Variants in PPARG observed in about 807,000 individuals in gnomAD.
PPARG encodes the protein peroxisome proliferator-activated receptor gamma.
Under a neutral mutation model 39.2 loss-of-function variants are expected in PPARG, and 17 were observed. The observed-to-expected ratio is 0.43, with a 90% CI of 0.30 to 0.65. The LOEUF is 0.65. Among genes scored for constraint, PPARG ranks in the 30% least tolerant of loss-of-function variants. The probability of loss-of-function intolerance (pLI) is 0.13; values close to 1 mark genes in which losing one functional copy is unlikely to be tolerated. For synonymous variants in PPARG, 223 were observed against 215.7 expected (o/e 1.03, Z -0.30); for missense variants, 406 against 585.9 (o/e 0.69, Z 3.17).
intron 1 of PPARG, among the ~76,000 whole-genome samples, chr3:12,296,077 C>T (rs1042442867): frequency 6.6e-6 from 1 of 150,928 alleles, no homozygotes; most frequent in Non-Finnish European, 1.5e-5. Context: ...CGTGGCAGAA[C>T]CCCGTCTCTA....
intron 2 of PPARG, among the ~76,000 whole-genome samples, chr3:12,320,460 C>T (rs1326944948): frequency 1.3e-5 from 2 of 152,098 alleles, no homozygotes. Context: ...GTAGCATGAG[C>T]CATTTGTTGA....
intron 5 of PPARG, among the ~76,000 whole-genome samples, chr3:12,400,674 A>G (rs942157351): frequency 6.6e-6 from 1 of 152,208 alleles, no homozygotes; most frequent in African/African-American, 2.4e-5. Context: ...TGTAGAACAG[A>G]CAGAATGTAA....
At chr3:12,311,185 C>T (rs2047233285) in intron 1 of PPARG, among the ~76,000 whole-genome samples, 2 of 152,064 alleles carry the variant, frequency 1.3e-5, no homozygotes, top group South Asian at 4.1e-4. Context: ...CTCACTGCAG[C>T]CTTGAACTCT....
intron 4 of PPARG, among the ~76,000 whole-genome samples, chr3:12,390,815 A>T (rs1268115050): frequency 6.6e-6 from 1 of 151,132 alleles, no homozygotes; most frequent in African/African-American, 2.4e-5. Flanking sequence ...ACCTGCCTAA[A>T]TTTTTTGTAT....
intron 1 of PPARG, among the ~76,000 whole-genome samples, chr3:12,291,917 A>G (rs551348639): frequency 1.3e-5 from 2 of 152,162 alleles, no homozygotes; most frequent in Non-Finnish European, 2.9e-5. Flanking sequence ...CTCTTTTGCT[A>G]TGATTTTAAG....
intron 2 of PPARG, among the ~76,000 whole-genome samples, chr3:12,326,975 C>CT (rs1305928010): frequency 2.6e-5 from 4 of 151,972 alleles, no homozygotes; most frequent in African/African-American, 9.7e-5. Flanking sequence ...ATTTTGATTA[C>CT]TTTTTTTTCC....
intron 2 of PPARG, among the ~76,000 whole-genome samples, chr3:12,355,247 C>T (rs147215729): frequency 1.3e-5 from 2 of 152,146 alleles, no homozygotes; most frequent in African/African-American, 4.8e-5. Flanking sequence ...GTGATCCTCC[C>T]ACCTCAGCCT....
intron 6 of PPARG, among the ~76,000 whole-genome samples, chr3:12,413,933 G>T (rs2050972334): frequency 6.6e-6 from 1 of 152,134 alleles, no homozygotes; most frequent in East Asian, 1.9e-4. Context: ...TTGCCAAGGG[G>T]TTAAAGTCAC....
intron 4 of PPARG, among the ~76,000 whole-genome samples, chr3:12,389,845 C>T (rs1392804842): frequency 2.0e-5 from 3 of 152,026 alleles, no homozygotes; most frequent in African/African-American, 4.8e-5. Context: ...TGCAGTGAGC[C>T]GAGATAGCAC....
At chr3:12,312,773 TATG>T (rs1319679942) in intron 2 of PPARG, among the ~76,000 whole-genome samples, 1 of 152,198 alleles carries the variant, frequency 6.6e-6, no homozygotes, top group East Asian at 1.9e-4. Flanking sequence ...TTTAGATTCT[TATG>T]ATACTTTTAA....
chr3:12,370,549 G>T (rs1479943899), intron 2 of PPARG, among the ~76,000 whole-genome samples: 4 of 152,184 alleles, frequency 2.6e-5, no homozygotes, highest in Non-Finnish European at 5.9e-5. Flanking sequence ...TGGGAAAAAA[G>T]AGATAGTCGC....
intron 2 of PPARG, among the ~76,000 whole-genome samples, chr3:12,363,071 C>G (rs993997337): frequency 3.3e-5 from 5 of 152,092 alleles, no homozygotes; most frequent in African/African-American, 1.2e-4. Context: ...CAGCACATCA[C>G]CACACCCAGC....
In PPARG at chr3:12,392,636, G is replaced by C; in HGVS notation, c.413G>C (p.Arg138Thr). Residue 138 changes from arginine (R) to threonine (T), a missense_variant, in exon 5 of 8, where the codon AGA becomes ACA. By Grantham distance (71) the Arg-to-Thr change is moderately conservative. Around this residue, in one of 2 missense-constraint regions of PPARG, gnomAD observed 275 missense variants for 458.0 expected, o/e 0.60. Coordinates refer to ENST00000651735, the MANE Select transcript of PPARG (RefSeq NM_138711.6). ...GCKGFFRRTI[R>T]LKLIYDRCDL... is the part of the protein sequence containing the mutation. ...CAGGGTTTCTTCCGGAGAACAATCA[G>C]ATTGAAGCTTATCTATGACAGATGT... 1 of 1,613,866 alleles carries C rather than the reference G, an allele frequency of 6.2e-7. No individual in the cohort carries two copies. The highest frequency in any genetic ancestry group is 8.5e-7 in the Non-Finnish European group (1 of 1,179,870).
At chr3:12,347,961 T>C (rs2048374105) in intron 2 of PPARG, among the ~76,000 whole-genome samples, 1 of 152,176 alleles carries the variant, frequency 6.6e-6, no homozygotes, top group Non-Finnish European at 1.5e-5. Flanking sequence ...TTAAATGAGG[T>C]TATAGCAAAA....
At chr3:12,325,327 A>G (rs1299980525) in intron 2 of PPARG, among the ~76,000 whole-genome samples, 1 of 152,226 alleles carries the variant, frequency 6.6e-6, no homozygotes, top group Non-Finnish European at 1.5e-5. Context: ...AGGCTGAGGC[A>G]GGAGAATCAC....
intron 5 of PPARG, among the ~76,000 whole-genome samples, chr3:12,398,461 T>TA (rs2050345270): frequency 6.6e-6 from 1 of 152,180 alleles, no homozygotes; most frequent in Non-Finnish European, 1.5e-5. Flanking sequence ...TATATTGTGT[T>TA]AGAGATGCCT....
At chr3:12,327,791 G>C (rs1411202145) in intron 2 of PPARG, among the ~76,000 whole-genome samples, 8 of 152,168 alleles carry the variant, frequency 5.3e-5, no homozygotes, top group African/African-American at 1.9e-4. Context: ...TTTCAGCCAA[G>C]GATGGCACTT....
At chr3:12,328,442 C>A (rs938593177) in intron 2 of PPARG, among the ~76,000 whole-genome samples, 1 of 152,216 alleles carries the variant, frequency 6.6e-6, no homozygotes, top group African/African-American at 2.4e-5. Flanking sequence ...TGCTTCCCAG[C>A]CCTGGAGTTT....
Position 12,422,196 on chromosome 3 carries a change from A to T in PPARG, c.1180+5042A>T, listed in dbSNP as rs181493725. On this transcript the variant is annotated intron_variant, in intron 7 of 7. Coordinates refer to ENST00000651735, the MANE Select transcript of PPARG (RefSeq NM_138711.6). The stretch of plus-strand genomic sequence containing the variant: ...GTTGAGTGAATAATCATCCGAAATG[A>T]TTATAATACTGCCTACCATTCGTTG... 4.0e-4 allele frequency among the ~76,000 whole-genome samples: 61 copies of T among 152,356 alleles called. 1 individual carries two copies. Among genetic ancestry groups the T allele is most frequent in the African/African-American group, 1.5e-3 (61 of 41,582 alleles).
Sources: gnomAD v4.1 joint callset for allele counts (sites outside exome capture counted in the v4.1 genomes callset) on GRCh38, gnomAD v4.1.1 for gene constraint, gnomAD v4.1.1 regional missense constraint, MANE v1.5 for transcripts, NCBI Gene and HGNC (gene_info 2026-07-23, HGNC 2026-07-21) for gene names.